The following XYLB variants were observed in gnomAD, a reference collection of about 807,000 sequenced individuals.
XYLB encodes the protein xylulose kinase.
XYLB carries 62 observed loss-of-function variants against 78.7 expected under a neutral mutation model. The ratio of observed to expected loss-of-function variants is 0.79; its 90% CI spans 0.64 to 0.97. XYLB has a LOEUF of 0.97. XYLB is among the 50% of genes least tolerant of loss of function. The pLI, the probability that XYLB is intolerant of heterozygous loss-of-function variation, is 0.00. For synonymous variants in XYLB, 245 were observed against 247.4 expected (o/e 0.99, Z 0.09); for missense variants, 687 against 676.8 (o/e 1.02, Z -0.17).
chr3:38,434,620 A>G, the XYLB span, among the ~76,000 whole-genome samples: 2 of 152,244 alleles, frequency 1.3e-5, no homozygotes, highest in African/African-American at 4.8e-5. Context: ...ATGAAAACAC[A>G]TGAAACAAAA....
chr3:38,368,556 C>T (rs569023435), intron 8 of XYLB, among the ~76,000 whole-genome samples: 94 of 152,124 alleles, frequency 6.2e-4, no homozygotes, highest in Non-Finnish European at 1.1e-3. Flanking sequence ...AGCTGGCAGC[C>T]GGGGCTGCAG....
chr3:38,365,083 C>G, intron 4 of XYLB, 116 bp from the exon 5 acceptor site: 2 of 833,298 alleles, frequency 2.4e-6, no homozygotes, highest in Non-Finnish European at 3.9e-6. Flanking sequence ...TAAGAAGTGG[C>G]AGGGGCAGGT....
chr3:38,367,612 G>T (rs746376243), intron 7 of XYLB, among the ~76,000 whole-genome samples: 21 of 152,180 alleles, frequency 1.4e-4, no homozygotes, highest in Non-Finnish European at 2.5e-4. Flanking sequence ...CCTGACAGAG[G>T]ACAGGAGGTG....
chr3:38,379,093 T>C (rs1472960546), intron 14 of XYLB, among the ~76,000 whole-genome samples, 153 bp from the exon 15 acceptor site: 1 of 151,728 alleles, frequency 6.6e-6, no homozygotes, highest in Non-Finnish European at 1.5e-5. Flanking sequence ...TTTGTGTGAG[T>C]GTGTGTGACA....
intron 15 of XYLB, 21 bp downstream of exon 15, chr3:38,379,363 A>C: frequency 6.2e-7 from 1 of 1,613,172 alleles, no homozygotes; most frequent in Non-Finnish European, 8.5e-7. Flanking sequence ...CACTGGCAGC[A>C]TGTGTCCCGG....
At chr3:38,372,247 G>T (rs1209778104) in intron 9 of XYLB, among the ~76,000 whole-genome samples, 1 of 151,958 alleles carries the variant, frequency 6.6e-6, no homozygotes, top group East Asian at 1.9e-4. Context: ...AGTCACTGGG[G>T]TGATAGAGTG....
chr3:38,363,459 G>A (rs1369350423), intron 4 of XYLB, among the ~76,000 whole-genome samples: 3 of 94,304 alleles, frequency 3.2e-5, no homozygotes, highest in Admixed American at 1.1e-4. Context: ...AGCACTTAGT[G>A]CATGCCAGAT....
At chr3:38,450,835 A>G in the XYLB span, among the ~76,000 whole-genome samples, 4 of 152,244 alleles carry the variant, frequency 2.6e-5, no homozygotes, top group Non-Finnish European at 4.4e-5. Flanking sequence ...TGCTATTGCA[A>G]CAGTCCAGAT....
chr3:38,358,780 T>C (rs540935699), intron 2 of XYLB, among the ~76,000 whole-genome samples: 1 of 152,348 alleles, frequency 6.6e-6, no homozygotes, highest in African/African-American at 2.4e-5. Flanking sequence ...TCTTTTTCCC[T>C]AGTAGTATCT....
At chr3:38,402,169 G>A (rs937228854) in intron 18 of XYLB, among the ~76,000 whole-genome samples, 2 of 152,126 alleles carry the variant, frequency 1.3e-5, no homozygotes, top group Non-Finnish European at 2.9e-5. Flanking sequence ...ATGATCCCGA[G>A]CATAGAAAAC....
At chr3:38,373,611 T>C (rs560395668) in intron 10 of XYLB, among the ~76,000 whole-genome samples, 1 of 152,306 alleles carries the variant, frequency 6.6e-6, no homozygotes, top group Non-Finnish European at 1.5e-5. Context: ...GCAGACGATG[T>C]TGAGATTCAC....
chr3:38,395,642 G>T, intron 16 of XYLB, 79 bp downstream of exon 16: 1 of 1,466,148 alleles, frequency 6.8e-7, no homozygotes, highest in South Asian at 1.1e-5. Context: ...GGATAGGAAG[G>T]ACAGCCTCCA....
chr3:38,395,992 T>C (rs1707855551), intron 16 of XYLB, among the ~76,000 whole-genome samples: 1 of 152,224 alleles, frequency 6.6e-6, no homozygotes, highest in African/African-American at 2.4e-5. Context: ...CAGAAACATA[T>C]GACCAAAAGT....
chr3:38,439,339 G>C, the XYLB span, among the ~76,000 whole-genome samples: 1 of 152,108 alleles, frequency 6.6e-6, no homozygotes, highest in African/African-American at 2.4e-5. Flanking sequence ...TGACAGCCTC[G>C]ATCCTACAGG....
chr3:38,408,335 A>G (rs1305499272), intron 18 of XYLB, among the ~76,000 whole-genome samples: 1 of 151,986 alleles, frequency 6.6e-6, no homozygotes, highest in African/African-American at 2.4e-5. Context: ...TTTGAAACCA[A>G]CAAGAACAAA....
chr3:38,348,101 C>T (rs1298266507), intron 1 of XYLB, among the ~76,000 whole-genome samples: 2 of 152,200 alleles, frequency 1.3e-5, no homozygotes, highest in Non-Finnish European at 2.9e-5. Flanking sequence ...GTCTCTGGAC[C>T]ACAATCATGG....
At chr3:38,396,437 C>G (rs1353008532) in intron 16 of XYLB, among the ~76,000 whole-genome samples, 1 of 152,214 alleles carries the variant, frequency 6.6e-6, no homozygotes, top group Admixed American at 6.5e-5. Context: ...GTGGCCTATG[C>G]TCAGCCAAGG....
At chr3:38,396,333 G>A (rs1177153307) in intron 16 of XYLB, among the ~76,000 whole-genome samples, 1 of 152,174 alleles carries the variant, frequency 6.6e-6, no homozygotes, top group Non-Finnish European at 1.5e-5. Context: ...GGGGAGGTGG[G>A]GCTCTGGAAC....
the XYLB span, among the ~76,000 whole-genome samples, chr3:38,443,245 T>TG: frequency 2.0e-5 from 3 of 152,148 alleles, no homozygotes; most frequent in Non-Finnish European, 2.9e-5. Context: ...TAAATGTACC[T>TG]GGGGCTCAGT....
Sources: gnomAD v4.1 joint callset for allele counts (sites outside exome capture counted in the v4.1 genomes callset) on GRCh38, gnomAD v4.1.1 for gene constraint, MANE v1.5 for transcripts, NCBI Gene and HGNC (gene_info 2026-07-23, HGNC 2026-07-21) for gene names.